The following GPR158 variants were observed in gnomAD, a reference collection of about 807,000 sequenced individuals.
GPR158 encodes metabotropic glycine receptor.
GPR158 carries 30 observed loss-of-function variants against 78.2 expected under a neutral mutation model. The ratio of observed to expected loss-of-function variants is 0.38; its 90% confidence interval spans 0.29 to 0.52. The LOEUF is 0.52. Ranked by LOEUF, GPR158 falls within the 20% of genes least tolerant of loss-of-function variation. The pLI is 0.83. For missense variants in GPR158, 1,463 were observed against 1,523.5 expected, an observed-to-expected ratio of 0.96 and a Z score of 0.66; for synonymous variants, 581 against 591.1, an observed-to-expected ratio of 0.98 and a Z score of 0.25.
At chr10:25,359,880 A>T (rs824150) in intron 2 of GPR158, among the ~76,000 whole-genome samples, 57,991 of 152,090 alleles carry the variant, frequency 0.38, 12,209 homozygotes, top group Middle Eastern at 0.49. Flanking sequence ...TCCCACCAAC[A>T]GTGTAAAAGA....
intron 2 of GPR158, among the ~76,000 whole-genome samples, chr10:25,243,112 C>T (rs948647194): frequency 2.6e-5 from 4 of 152,328 alleles, no homozygotes; most frequent in South Asian, 2.1e-4. Context: ...GCCATCTGCA[C>T]GGATTCTAGC....
At chr10:25,522,544 T>A (rs986770962) in intron 5 of GPR158, among the ~76,000 whole-genome samples, 7 of 152,226 alleles carry the variant, frequency 4.6e-5, no homozygotes, top group Non-Finnish European at 7.3e-5. Context: ...AAAAGGGATC[T>A]GGATTTGACT....
At chr10:25,305,145 G>A (rs552064322) in intron 2 of GPR158, among the ~76,000 whole-genome samples, 1 of 152,310 alleles carries the variant, frequency 6.6e-6, no homozygotes, top group East Asian at 1.9e-4. Context: ...AACTTGGCAA[G>A]GTCACCTAAG....
intron 6 of GPR158, among the ~76,000 whole-genome samples, chr10:25,554,004 G>A (rs1836757362): frequency 6.6e-6 from 1 of 152,086 alleles, no homozygotes; most frequent in Admixed American, 6.6e-5. Flanking sequence ...GGTTATGGCT[G>A]CACAGAACCA....
At chr10:25,341,607 A>C (rs1354719313) in intron 2 of GPR158, among the ~76,000 whole-genome samples, 1 of 151,998 alleles carries the variant, frequency 6.6e-6, no homozygotes, top group Non-Finnish European at 1.5e-5. Flanking sequence ...GGGAGTGCCC[A>C]TTACAGTATC....
intron 4 of GPR158, among the ~76,000 whole-genome samples, chr10:25,437,214 G>A (rs1007378670): frequency 6.6e-6 from 1 of 152,114 alleles, no homozygotes; most frequent in Non-Finnish European, 1.5e-5. Flanking sequence ...CAAACTTAGT[G>A]TGAAATCCTA....
chr10:25,244,367 C>A (rs903330198), intron 2 of GPR158, among the ~76,000 whole-genome samples: 1 of 152,152 alleles, frequency 6.6e-6, no homozygotes, highest in Non-Finnish European at 1.5e-5. Flanking sequence ...ACTGCCTTTT[C>A]TTTATAGGAT....
chr10:25,207,725 GATAGAGC>G (rs1250515940), intron 1 of GPR158, among the ~76,000 whole-genome samples: 4 of 152,072 alleles, frequency 2.6e-5, no homozygotes, highest in African/African-American at 9.7e-5. Flanking sequence ...GGACTCCTGG[GATAGAGC>G]ATAAAGTTAT....
chr10:25,540,803 G>T (rs1280566947), intron 5 of GPR158, among the ~76,000 whole-genome samples: 2 of 151,588 alleles, frequency 1.3e-5, no homozygotes, highest in African/African-American at 2.4e-5. Context: ...GGGGTGGGGG[G>T]AGTGGGGAGG....
At chr10:25,289,994 GT>G in intron 2 of GPR158, among the ~76,000 whole-genome samples, 1 of 152,178 alleles carries the variant, frequency 6.6e-6, no homozygotes, top group Non-Finnish European at 1.5e-5. Context: ...AGCCATGTTA[GT>G]TAACATTTTC....
chr10:25,264,675 C>T (rs907688192), intron 2 of GPR158, among the ~76,000 whole-genome samples: 16 of 152,110 alleles, frequency 1.1e-4, no homozygotes, highest in African/African-American at 3.1e-4. Context: ...AGAATAAAGG[C>T]CAAAGAAGAC....
rs1014428369 is a variant in GPR158 at position 25,431,104 on chromosome 10, A to G, written c.1335+18631A>G. 2.3e-5 allele frequency among the ~76,000 whole-genome samples: 3 copies of G among 130,752 alleles called. No homozygotes were observed. In the Admixed American group the frequency reaches 2.3e-4, roughly 10 times the overall value. The allele number at this position is 130,752 out of a possible 152,430, so 85.8% of individuals were successfully genotyped here. The stretch of plus-strand genomic sequence containing the variant: ...TACTAAATGGGAGAAAATTTTCGCA[A>G]CCTACTCATCTGACAAAGGGCTAAT... On this transcript the variant is annotated intron_variant, in intron 4 of 10. Coordinates refer to ENST00000376351, the MANE Select transcript of GPR158 (RefSeq NM_020752.3).
intron 2 of GPR158, among the ~76,000 whole-genome samples, chr10:25,370,230 T>G (rs1833967180): frequency 6.9e-6 from 1 of 144,844 alleles, no homozygotes; most frequent in South Asian, 2.3e-4. Context: ...TGTTTGCTCT[T>G]GCTTTTCTAG....
intron 5 of GPR158, among the ~76,000 whole-genome samples, chr10:25,468,756 G>A (rs578030284): frequency 5.1e-4 from 77 of 152,298 alleles, no homozygotes; most frequent in Admixed American, 8.5e-4. Context: ...GCCAACTTAC[G>A]TTCAGTGGTT....
At chr10:25,365,969 AG>A (rs895154496) in intron 2 of GPR158, among the ~76,000 whole-genome samples, 26 of 151,688 alleles carry the variant, frequency 1.7e-4, no homozygotes, top group African/African-American at 6.0e-4. Flanking sequence ...TTACATAAAT[AG>A]TATTATATAA....
intron 2 of GPR158, among the ~76,000 whole-genome samples, chr10:25,232,692 T>C (rs1853465782): frequency 6.6e-6 from 1 of 152,146 alleles, no homozygotes; most frequent in Non-Finnish European, 1.5e-5. Flanking sequence ...GTGTTGATGA[T>C]ACAAGCAGAA....
intron 2 of GPR158, among the ~76,000 whole-genome samples, chr10:25,326,073 C>T (rs559064665): frequency 5.3e-5 from 8 of 152,246 alleles, no homozygotes; most frequent in African/African-American, 1.4e-4. Context: ...TTAAGGCCAG[C>T]ATCCATTAGC....
intron 6 of GPR158, among the ~76,000 whole-genome samples, chr10:25,558,823 T>C (rs1836822597): frequency 6.6e-6 from 1 of 152,254 alleles, no homozygotes; most frequent in Non-Finnish European, 1.5e-5. Flanking sequence ...TGTTATTGAT[T>C]TACAATTTCA....
chr10:25,512,488 T>A (rs1266452023), intron 5 of GPR158, among the ~76,000 whole-genome samples: 1 of 152,158 alleles, frequency 6.6e-6, no homozygotes, highest in Non-Finnish European at 1.5e-5. Context: ...ACAGCAACAA[T>A]TTGACTTCCT....
Sources: gnomAD v4.1 joint callset for allele counts (sites outside exome capture counted in the v4.1 genomes callset) on GRCh38, gnomAD v4.1.1 for gene constraint, MANE v1.5 for transcripts, NCBI Gene and HGNC (gene_info 2026-07-23, HGNC 2026-07-21) for gene names.